The following STXBP5L variants were observed in gnomAD, a reference collection of about 807,000 sequenced individuals.
The protein encoded by STXBP5L is syntaxin-binding protein 5-like.
In STXBP5L, 65 loss-of-function variants were observed where a neutral mutation model predicts 144.5. That is an observed-to-expected ratio of 0.45 (90% CI 0.37 to 0.55). STXBP5L has a LOEUF of 0.55. Ranked by LOEUF, STXBP5L falls within the 20% of genes least tolerant of loss-of-function variation. STXBP5L has a pLI of 0.00. For missense variants in STXBP5L, 1,298 were observed against 1,405.5 expected (o/e 0.92, Z 1.22); for synonymous variants, 505 against 469.6 (o/e 1.08, Z -0.97).
At position 121,257,288 on chromosome 3, in the gene STXBP5L, C is replaced by T; in HGVS notation, c.1787C>T (p.Thr596Ile). The T allele has an allele frequency of 1.9e-6, 3 of 1,613,572 alleles. No homozygotes were observed. Among genetic ancestry groups the T allele is most frequent in the Non-Finnish European group, 2.5e-6 (3 of 1,179,642 alleles). The change falls in exon 17 of 27, where the codon ACT becomes ATT. Residue 596 changes from threonine (T) to isoleucine (I), a missense_variant. Coordinates refer to ENST00000471454, the MANE Select transcript of STXBP5L (RefSeq NM_001308330.2). Reference sequence around the variant, plus strand: ...AGGAGTCTTTCTGGGAGCACTAACACTGTTGCTAGTGAAGGAGTAACAAAG... The same window carrying T: ...AGGAGTCTTTCTGGGAGCACTAACATTGTTGCTAGTGAAGGAGTAACAAAG... Reference protein sequence around the residue: ...SSRSLSGSTNTVASEGVTKDS... With the variant: ...SSRSLSGSTNIVASEGVTKDS...
chr3:121,185,072 A>T (rs2047319122), intron 9 of STXBP5L, among the ~76,000 whole-genome samples: 1 of 152,204 alleles, frequency 6.6e-6, no homozygotes, highest in African/African-American at 2.4e-5. Context: ...CTGAACATGG[A>T]AAGGAAAAAC....
intron 22 of STXBP5L, among the ~76,000 whole-genome samples, chr3:121,384,123 C>G (rs553175572): frequency 2.0e-5 from 3 of 152,112 alleles, no homozygotes; most frequent in African/African-American, 7.2e-5. Flanking sequence ...AAACATTTAC[C>G]AAGCCCATAC....
chr3:121,063,730 C>CT (rs1251444968), intron 5 of STXBP5L, among the ~76,000 whole-genome samples: 2 of 152,136 alleles, frequency 1.3e-5, no homozygotes, highest in Non-Finnish European at 2.9e-5. Flanking sequence ...GCTATAGCAC[C>CT]TTTGTGGAGC....
At chr3:121,222,591 CTTGT>C (rs2049004738) in intron 10 of STXBP5L, among the ~76,000 whole-genome samples, 1 of 149,574 alleles carries the variant, frequency 6.7e-6, no homozygotes, top group African/African-American at 2.5e-5. Context: ...TCTCTTTTCT[CTTGT>C]ACAGATTTTA....
chr3:121,344,795 AG>A (rs1370526478), intron 20 of STXBP5L, among the ~76,000 whole-genome samples: 1 of 151,866 alleles, frequency 6.6e-6, no homozygotes, highest in African/African-American at 2.4e-5. Flanking sequence ...CCTTTCATAA[AG>A]GGAAATCAAT....
intron 20 of STXBP5L, among the ~76,000 whole-genome samples, chr3:121,365,909 T>C (rs2045851543): frequency 6.6e-6 from 1 of 151,902 alleles, no homozygotes; most frequent in Admixed American, 6.6e-5. Flanking sequence ...TAGCTACAAA[T>C]TTCCCTCTTT....
chr3:121,109,974 G>A (rs796991105), intron 5 of STXBP5L, among the ~76,000 whole-genome samples: 9 of 152,204 alleles, frequency 5.9e-5, no homozygotes, highest in African/African-American at 2.2e-4. Flanking sequence ...GCCCTTCTTT[G>A]TCTTTTTTGA....
intron 7 of STXBP5L, among the ~76,000 whole-genome samples, chr3:121,147,437 A>G (rs1299801178): frequency 1.3e-5 from 2 of 152,152 alleles, no homozygotes; most frequent in African/African-American, 4.8e-5. Context: ...GTGACATATC[A>G]AAAACTTGTG....
chr3:121,332,161 C>T (rs2044340566), intron 20 of STXBP5L, among the ~76,000 whole-genome samples: 1 of 149,868 alleles, frequency 6.7e-6, no homozygotes, highest in African/African-American at 2.5e-5. Flanking sequence ...GAGAAGGAAC[C>T]AGAAAAATAA....
intron 3 of STXBP5L, among the ~76,000 whole-genome samples, chr3:120,978,151 G>C (rs946035199): frequency 6.6e-6 from 1 of 152,134 alleles, no homozygotes; most frequent in South Asian, 2.1e-4. Context: ...TTCCAACTTG[G>C]TTCCATTCTC....
At chr3:120,912,284 G>A (rs1708879569) in intron 2 of STXBP5L, among the ~76,000 whole-genome samples, 2 of 151,686 alleles carry the variant, frequency 1.3e-5, no homozygotes, top group South Asian at 4.1e-4. Context: ...TCATTTCCTT[G>A]CTAAAAATTC....
At chr3:121,187,176 A>T (rs2047419713) in intron 9 of STXBP5L, among the ~76,000 whole-genome samples, 1 of 152,178 alleles carries the variant, frequency 6.6e-6, no homozygotes, top group Admixed American at 6.5e-5. Context: ...GATAGACTGG[A>T]TGAAGAAAAT....
intron 5 of STXBP5L, among the ~76,000 whole-genome samples, chr3:121,086,876 T>C (rs1471538178): frequency 6.6e-6 from 1 of 152,028 alleles, no homozygotes; most frequent in Non-Finnish European, 1.5e-5. Flanking sequence ...AAGAGCGATG[T>C]TTGCACTATG....
intron 5 of STXBP5L, among the ~76,000 whole-genome samples, chr3:121,090,268 G>C (rs1377158529): frequency 1.3e-5 from 2 of 152,082 alleles, no homozygotes; most frequent in South Asian, 2.1e-4. Context: ...GGGAATTGAA[G>C]TTCAGGTGCT....
chr3:121,324,746 G>A (rs763256130), intron 20 of STXBP5L, among the ~76,000 whole-genome samples: 49 of 151,972 alleles, frequency 3.2e-4, no homozygotes, highest in African/African-American at 7.5e-4. Flanking sequence ...CAAATATAAC[G>A]CCAGAGACAC....
intron 5 of STXBP5L, among the ~76,000 whole-genome samples, chr3:121,066,301 T>A (rs2041539163): frequency 6.6e-6 from 1 of 151,916 alleles, no homozygotes; most frequent in Admixed American, 6.6e-5. Flanking sequence ...GCTGGAAGAT[T>A]TTTGGTAGAC....
At chr3:120,990,448 A>T (rs1475160245) in intron 3 of STXBP5L, among the ~76,000 whole-genome samples, 1 of 152,200 alleles carries the variant, frequency 6.6e-6, no homozygotes, top group Admixed American at 6.5e-5. Context: ...ACAGAATTGG[A>T]AAAAACTACT....
chr3:121,208,658 A>G (rs1353505481), intron 10 of STXBP5L, among the ~76,000 whole-genome samples: 1 of 152,026 alleles, frequency 6.6e-6, no homozygotes, highest in African/African-American at 2.4e-5. Context: ...GTTCAACATT[A>G]TTTACAATAT....
chr3:121,406,842 T>G (rs2047003439), intron 22 of STXBP5L, among the ~76,000 whole-genome samples: 1 of 151,984 alleles, frequency 6.6e-6, no homozygotes. Context: ...ATATGTACAT[T>G]TTTAAAATTT....
Sources: gnomAD v4.1 joint callset for allele counts (sites outside exome capture counted in the v4.1 genomes callset) on GRCh38, gnomAD v4.1.1 for gene constraint, MANE v1.5 for transcripts, NCBI Gene and HGNC (gene_info 2026-07-23, HGNC 2026-07-21) for gene names.